Variants in AVEN observed in about 807,000 individuals in gnomAD.
AVEN encodes the protein cell death regulator Aven.
In AVEN, 41 loss-of-function variants were observed where a neutral mutation model predicts 38.1. That is an observed-to-expected ratio of 1.08 (90% CI 0.84 to 1.40). The LOEUF (loss-of-function observed/expected upper bound fraction) is 1.40. AVEN is among the 40% of genes most tolerant of loss of function. The pLI is 0.00. For synonymous variants in AVEN, 206 were observed against 171.8 expected (o/e 1.20, Z -1.56); for missense variants, 605 against 438.8 (o/e 1.38, Z -3.38).
chr15:34,032,091 G>A (rs745331319), intron 1 of AVEN, among the ~76,000 whole-genome samples: 21 of 151,870 alleles, frequency 1.4e-4, no homozygotes, highest in South Asian at 2.1e-4. Context: ...ATCCAGTGCC[G>A]TAATAAGTTA....
At chr15:33,878,281 CAA>C (rs1275718880) in intron 2 of AVEN, among the ~76,000 whole-genome samples, 1 of 151,806 alleles carries the variant, frequency 6.6e-6, no homozygotes, top group Non-Finnish European at 1.5e-5. Context: ...AAAATGTATT[CAA>C]AAGTCTCAAT....
intron 11 of AVEN, chr15:33,861,081 A>C: frequency 6.3e-7 from 1 of 1,582,320 alleles, no homozygotes; most frequent in Non-Finnish European, 8.6e-7. Flanking sequence ...TTCTTAGACT[A>C]AATGTTTCAT....
chr15:33,854,652 C>T (rs955543633), downstream of AVEN: 57 of 1,370,014 alleles, frequency 4.2e-5, no homozygotes, highest in Middle Eastern at 7.5e-4. Context: ...CACAGCACCT[C>T]AGCACCTAAA....
intron 11 of AVEN, chr15:33,860,694 T>G: frequency 5.0e-6 from 7 of 1,413,406 alleles, no homozygotes; most frequent in Non-Finnish European, 6.9e-6. Context: ...CCAGCTCTAT[T>G]TTAATATCCC....
chr15:33,860,384 G>C (rs1292738939), intron 11 of AVEN, among the ~76,000 whole-genome samples: 1 of 152,206 alleles, frequency 6.6e-6, no homozygotes, highest in Non-Finnish European at 1.5e-5. Context: ...GTAGTTAACA[G>C]CACTGCATGG....
rs576753241 is a variant in AVEN at position 33,989,187 on chromosome 15, A to C, written c.445+13845T>G. 3.3e-4 allele frequency among the ~76,000 whole-genome samples: 50 copies of C among 152,322 alleles called. 2 individuals are homozygous for C. The South Asian group carries it at 0.01, about 31-fold the overall frequency. ...GCTAAATAAAAGAGAAGATGAGTTAATGATCATTTATTTTTCTAATTACAT... is the reference window on the plus strand; with the variant it reads ...GCTAAATAAAAGAGAAGATGAGTTACTGATCATTTATTTTTCTAATTACAT... On this transcript the variant is annotated intron_variant, in intron 2 of 5. Transcript: ENST00000306730.
intron 1 of AVEN, chr15:34,006,903 C>T (rs1897377530): frequency 4.1e-6 from 1 of 243,152 alleles, no homozygotes; most frequent in Non-Finnish European, 6.6e-6. Flanking sequence ...TAAAAATATG[C>T]AAAGCCTCAA....
At chr15:33,914,761 A>AT (rs914192704) in intron 2 of AVEN, among the ~76,000 whole-genome samples, 8 of 151,354 alleles carry the variant, frequency 5.3e-5, no homozygotes, top group Non-Finnish European at 1.0e-4. Flanking sequence ...TGAACTCATG[A>AT]TTTTTTTTTA....
intron 2 of AVEN, 133 bp from the exon 3 acceptor site, chr15:33,876,128 G>A (rs971672369): frequency 1.1e-5 from 8 of 704,136 alleles, no homozygotes; most frequent in African/African-American, 1.1e-4. Context: ...GATAAAACTG[G>A]AACATACCTC....
At chr15:33,880,871 T>A (rs1456489323) in intron 2 of AVEN, among the ~76,000 whole-genome samples, 1 of 151,952 alleles carries the variant, frequency 6.6e-6, no homozygotes, top group Non-Finnish European at 1.5e-5. Flanking sequence ...ACTAGGAACA[T>A]CATAAACAAT....
At chr15:33,857,438 T>C (rs138669527), downstream of AVEN, among the ~76,000 whole-genome samples, 736 of 152,172 alleles carry the variant, frequency 4.8e-3, 2 homozygotes, top group African/African-American at 0.017. Flanking sequence ...CAGTTTAACT[T>C]ACTCACCTCT....
At chr15:34,062,554 C>CAA (rs10632153) in intron 5 of AVEN, 116,625 of 397,250 alleles carry the variant, frequency 0.29, 10,758 homozygotes, top group Admixed American at 0.38. Context: ...GATTCTGTCT[C>CAA]AAAAAAAAAA....
chr15:34,007,138 G>T, intron 1 of AVEN: 1 of 729,788 alleles, frequency 1.4e-6, no homozygotes, highest in Non-Finnish European at 1.7e-6. Flanking sequence ...TCAAACTACT[G>T]CCGAGCTATT....
chr15:33,879,850 T>C (rs899337063), intron 2 of AVEN, among the ~76,000 whole-genome samples: 1 of 152,216 alleles, frequency 6.6e-6, no homozygotes, highest in African/African-American at 2.4e-5. Flanking sequence ...CTCTGTATTA[T>C]GTAATGTCTA....
downstream of AVEN, among the ~76,000 whole-genome samples, chr15:33,862,535 C>T (rs1367620543): frequency 2.0e-5 from 3 of 152,198 alleles, no homozygotes; most frequent in African/African-American, 7.2e-5. Flanking sequence ...AGAGCAGGCT[C>T]AGCCTTTGGA....
chr15:33,938,919 G>A (rs1196174540), intron 2 of AVEN, among the ~76,000 whole-genome samples: 2 of 151,626 alleles, frequency 1.3e-5, no homozygotes, highest in African/African-American at 4.9e-5. Context: ...TCGGCTCACT[G>A]CAACCTCTGC....
intron 2 of AVEN, among the ~76,000 whole-genome samples, chr15:33,942,599 C>T (rs2551424): frequency 0.56 from 84,358 of 151,868 alleles, 26,618 homozygotes; most frequent in East Asian, 0.75. Context: ...TACAGGCACC[C>T]GCCACCATGC....
At chr15:33,989,344 T>C (rs1896617241) in intron 2 of AVEN, among the ~76,000 whole-genome samples, 1 of 152,136 alleles carries the variant, frequency 6.6e-6, no homozygotes, top group Non-Finnish European at 1.5e-5. Flanking sequence ...TCTTAGCTTT[T>C]GTATAGAACT....
intron 11 of AVEN, among the ~76,000 whole-genome samples, chr15:33,859,889 G>C (rs1567351823): frequency 1.3e-5 from 2 of 152,072 alleles, no homozygotes; most frequent in Non-Finnish European, 2.9e-5. Flanking sequence ...CTGAGGCTTT[G>C]GCTATATATA....
Sources: allele counts gnomAD v4.1 joint callset (sites outside exome capture counted in the v4.1 genomes callset), GRCh38; gene constraint gnomAD v4.1.1; transcripts MANE v1.5; gene names NCBI Gene and HGNC (gene_info 2026-07-23, HGNC 2026-07-21).